Variants in SLIT1 observed in about 807,000 individuals in gnomAD.
The protein encoded by SLIT1 is slit guidance ligand 1, also known as slit homolog 1 protein.
SLIT1 carries 66 observed loss-of-function variants against 186.1 expected under a neutral mutation model. That is an observed-to-expected ratio of 0.35 (90% CI 0.29 to 0.44). The LOEUF is 0.44. Among genes scored for constraint, SLIT1 ranks in the 20% least tolerant of loss-of-function variants. SLIT1 has a pLI of 1.00. For missense variants in SLIT1, 1,638 were observed against 2,037.4 expected (o/e 0.80, Z 3.77); for synonymous variants, 761 against 833.8 (o/e 0.91, Z 1.50).
At chr10:97,128,115 C>T (rs1849620443) in intron 4 of SLIT1, among the ~76,000 whole-genome samples, 3 of 152,028 alleles carry the variant, frequency 2.0e-5, no homozygotes, top group South Asian at 2.1e-4. Flanking sequence ...CGCCCTTCCT[C>T]GGCCCCTCTG....
intron 25 of SLIT1, among the ~76,000 whole-genome samples, chr10:97,026,793 G>A (rs1753512604): frequency 6.6e-6 from 1 of 152,202 alleles, no homozygotes; most frequent in African/African-American, 2.4e-5. Flanking sequence ...GGATTGTGCA[G>A]GGTATTGAAG....
intron 11 of SLIT1, among the ~76,000 whole-genome samples, chr10:97,058,300 G>A (rs976217988): frequency 6.6e-6 from 1 of 152,208 alleles, no homozygotes; most frequent in Non-Finnish European, 1.5e-5. Context: ...TTGATGGGGT[G>A]TACTGGAATC....
At chr10:97,143,705 G>C (rs535526979) in intron 4 of SLIT1, among the ~76,000 whole-genome samples, 5 of 152,310 alleles carry the variant, frequency 3.3e-5, no homozygotes, top group African/African-American at 1.2e-4. Context: ...CAGTGGAGCA[G>C]AACCGAGTTG....
rs781278645 is a variant in SLIT1, at chr10:97,164,799, A to C, written c.269+20T>G. ...GTGGCATTGCCAGGGGTGGGGTGGG[A>C]GGGAGCACCCCATACTCACAGCACC... On this transcript the variant is annotated intron_variant, in intron 2 of 36. Coordinates refer to ENST00000266058, the MANE Select transcript of SLIT1 (RefSeq NM_003061.3). 1 of 1,417,240 alleles carries C rather than the reference A, an allele frequency of 7.1e-7. No homozygotes were observed. The highest frequency in any genetic ancestry group is 1.8e-5 in the Admixed American group (1 of 56,862). The allele number at this position is 1,417,240 out of a possible 1,614,324, so 87.8% of individuals were successfully genotyped here.
intron 4 of SLIT1, among the ~76,000 whole-genome samples, chr10:97,125,626 G>A (rs1849597362): frequency 6.6e-6 from 1 of 151,488 alleles, no homozygotes; most frequent in African/African-American, 2.4e-5. Flanking sequence ...ATCACCTGAG[G>A]TCAGGAGTTA....
At chr10:97,162,903 C>G (rs562131280) in intron 3 of SLIT1, among the ~76,000 whole-genome samples, 1 of 151,930 alleles carries the variant, frequency 6.6e-6, no homozygotes, top group Non-Finnish European at 1.5e-5. Context: ...AAGCCCTATT[C>G]AGCAACAAAC....
chr10:97,122,690 G>C (rs1849570226), intron 4 of SLIT1, among the ~76,000 whole-genome samples: 1 of 152,178 alleles, frequency 6.6e-6, no homozygotes, highest in South Asian at 2.1e-4. Flanking sequence ...AGCTCAGAGA[G>C]CATCAGGGCA....
rs909051141 is a variant in SLIT1 at position 97,083,079 on chromosome 10, C to T, written c.414-16993G>A. ...GGACTCTGGGCACACCCCCACCATG[C>T]TCAGCTAAATATTTTTATTTATTTA... On this transcript the variant is annotated intron_variant, in intron 4 of 36. Coordinates refer to ENST00000266058, the MANE Select transcript of SLIT1 (RefSeq NM_003061.3). 2.0e-5 allele frequency among the ~76,000 whole-genome samples: 3 copies of T among 152,174 alleles called. No individual in the cohort carries two copies. The South Asian group carries it at 6.2e-4, about 32-fold the overall frequency.
chr10:97,151,836 G>A (rs878920550), intron 4 of SLIT1, among the ~76,000 whole-genome samples: 3 of 152,082 alleles, frequency 2.0e-5, no homozygotes, highest in East Asian at 1.9e-4. Context: ...CTTTCTAACC[G>A]TTACTATGAT....
At chr10:97,141,372 T>C (rs532224124) in intron 4 of SLIT1, among the ~76,000 whole-genome samples, 1 of 152,282 alleles carries the variant, frequency 6.6e-6, no homozygotes, top group East Asian at 1.9e-4. Context: ...TACATTTTCT[T>C]TTCATCGCAC....
chr10:97,052,920 A>G (rs1848803904), intron 13 of SLIT1, among the ~76,000 whole-genome samples: 1 of 152,168 alleles, frequency 6.6e-6, no homozygotes, highest in Admixed American at 6.5e-5. Flanking sequence ...GATGTGCATG[A>G]AAGTTCAGTG....
chr10:97,179,423 T>A (rs1458282098), intron 1 of SLIT1, among the ~76,000 whole-genome samples: 1 of 152,168 alleles, frequency 6.6e-6, no homozygotes, highest in African/African-American at 2.4e-5. Context: ...TGAGATCCCG[T>A]CTCAAAAAAA....
rs1848402513 is a variant in SLIT1, at chr10:97,010,661, G to C, written c.3341+332C>G. Among the ~76,000 whole-genome samples the C allele has an allele frequency of 6.6e-6, 1 of 152,222 alleles. No homozygotes were observed. Among genetic ancestry groups the C allele is most frequent in the Non-Finnish European group, 1.5e-5 (1 of 68,024 alleles). ...GTGGGCCCTCCAACCTCCCAGGGGA[G>C]CCCAGTGGGCTGGTAGATAATCTTT... On this transcript the variant is annotated intron_variant, in intron 31 of 36. Coordinates refer to ENST00000266058, the MANE Select transcript of SLIT1 (RefSeq NM_003061.3). This position sits in a 1 kb window ranked among gnomAD's most constrained non-coding sequence, Gnocchi z 4.8.
At position 97,162,374 on chromosome 10, in the gene SLIT1, C is replaced by T. The variant is rs568661077; in HGVS notation, c.341+1006G>A. Among the ~76,000 whole-genome samples, 4 of 152,226 alleles carry T rather than the reference C, an allele frequency of 2.6e-5. No individual in the cohort carries two copies. In the South Asian group the frequency reaches 8.3e-4, roughly 32 times the overall value. ...CCTGTAATCCTAGCACTTTAGGAGG[C>T]CGAGGCAGGTGTGTCACCTGAGGTC... On this transcript the variant is annotated intron_variant, in intron 3 of 36. Transcript: ENST00000266058.
At chr10:97,115,895 T>C (rs7075665) in intron 4 of SLIT1, among the ~76,000 whole-genome samples, 6,715 of 152,196 alleles carry the variant, frequency 0.044, 279 homozygotes, top group South Asian at 0.12. Flanking sequence ...AGGACTGGGG[T>C]ACCAGGGATA....
At chr10:97,148,533 G>A (rs1399697295) in intron 4 of SLIT1, among the ~76,000 whole-genome samples, 1 of 152,006 alleles carries the variant, frequency 6.6e-6, no homozygotes, top group African/African-American at 2.4e-5. Flanking sequence ...TCCCATCTCA[G>A]CCTCCCAAAG....
Position 97,074,964 on chromosome 10 carries a change from C to T in SLIT1, c.414-8878G>A, listed in dbSNP as rs147318540. On this transcript the variant is annotated intron_variant, in intron 4 of 36. Transcript: ENST00000266058. ...GCAGACCAGCCTCTAAGGGGATTAG[C>T]AGTGGGGGCAGGGGTGGGAGTACAC... 2.4e-4 allele frequency among the ~76,000 whole-genome samples: 37 copies of T among 152,360 alleles called. No homozygotes were observed. In the East Asian group the frequency reaches 6.9e-3, roughly 29 times the overall value.
intron 13 of SLIT1, among the ~76,000 whole-genome samples, chr10:97,052,190 G>A (rs935122875): frequency 4.1e-5 from 6 of 147,070 alleles, no homozygotes; most frequent in Non-Finnish European, 7.4e-5. Context: ...TTGAACTCCT[G>A]GGCTCAGGGA....
intron 1 of SLIT1, among the ~76,000 whole-genome samples, chr10:97,166,023 G>C (rs1323084560): frequency 6.6e-6 from 1 of 151,978 alleles, no homozygotes; most frequent in East Asian, 1.9e-4. Flanking sequence ...TCTGCCATCT[G>C]TCTCCTTGGG....
Sources: gnomAD v4.1 joint callset for allele counts (sites outside exome capture counted in the v4.1 genomes callset) on GRCh38, gnomAD v4.1.1 for gene constraint, Gnocchi (gnomAD v3.1) non-coding constraint, MANE v1.5 for transcripts, NCBI Gene and HGNC (gene_info 2026-07-23, HGNC 2026-07-21) for gene names.